DNAJC18: variants seen among roughly 807,000 people sequenced by gnomAD.
DNAJC18 encodes the protein dnaJ homolog subfamily C member 18.
A neutral mutation model predicts 48.6 loss-of-function variants in DNAJC18; 40 were observed. That is an observed-to-expected ratio of 0.82 (90% CI 0.64 to 1.07). DNAJC18 has a LOEUF of 1.07. Among genes scored for constraint, DNAJC18 ranks in the 50% least tolerant of loss-of-function variants. The pLI is 0.00. For missense variants in DNAJC18, 340 were observed against 427.7 expected (o/e 0.79, Z 1.81); for synonymous variants, 135 against 152.2 (o/e 0.89, Z 0.83).
chr5:139,437,609 C>G, intron 1 of DNAJC18, 51 bp from the exon 2 acceptor site: 1 of 1,557,334 alleles, frequency 6.4e-7, no homozygotes, highest in Non-Finnish European at 8.7e-7. Context: ...TGAAAATCAA[C>G]TTTGCAACCT....
chr5:139,432,018 A>G (rs1261881017), intron 2 of DNAJC18, among the ~76,000 whole-genome samples: 1 of 152,202 alleles, frequency 6.6e-6, no homozygotes, highest in Non-Finnish European at 1.5e-5. Context: ...AGGAATGCCT[A>G]TTCAGACCCT....
Position 139,428,622 on chromosome 5 carries a change from C to T in DNAJC18, c.289G>A (p.Glu97Lys), listed in dbSNP as rs367558773. 2 of 1,613,706 alleles carry T rather than the reference C, an allele frequency of 1.2e-6. No individual in the cohort carries two copies. The highest frequency in any genetic ancestry group is 1.7e-6 in the Non-Finnish European group (2 of 1,179,970). Reference protein sequence around the residue: ...LGVSRDASDEELKKAYRKLAL... With the variant: ...LGVSRDASDEKLKKAYRKLAL... The stretch of plus-strand genomic sequence containing the variant: ...AGTTTTCTGTAAGCTTTCTTAAGCT[C>T]TTCGTCACTAGCATCTCGAGAAACT... Residue 97 changes from glutamate to lysine, a missense_variant, in exon 3 of 8, where the codon GAG becomes AAG. By Grantham distance (56) the Glu-to-Lys change is moderately conservative. Transcript: ENST00000302060.
Position 139,439,475 on chromosome 5 carries a change from C to T in DNAJC18, c.-30G>A, listed in dbSNP as rs775816897. 2.2e-5 allele frequency: 35 copies of T among 1,613,690 alleles called. No individual in the cohort carries two copies. Among genetic ancestry groups the T allele is most frequent in the Admixed American group, 1.2e-4 (7 of 59,998 alleles). On this transcript the variant is annotated 5_prime_UTR_variant, in exon 1 of 8. Transcript: ENST00000302060. The surrounding 1 kb of genome is among the most constrained non-coding windows in gnomAD (Gnocchi z 4.1). ...GTTCCCAATCAGCAGGTCCGCCGAG[C>T]CTCCCCCGTGCCCGAGGCTGAAAGA...
At chr5:139,421,083 A>C (rs1450404378) in intron 6 of DNAJC18, among the ~76,000 whole-genome samples, 2 of 152,192 alleles carry the variant, frequency 1.3e-5, no homozygotes, top group Non-Finnish European at 2.9e-5. Context: ...CACAAGAAAG[A>C]AAGCTAAAGT....
At chr5:139,428,078 C>T (rs552224124) in intron 3 of DNAJC18, among the ~76,000 whole-genome samples, 10 of 152,274 alleles carry the variant, frequency 6.6e-5, no homozygotes, top group African/African-American at 2.4e-4. Context: ...AGCCACTGCG[C>T]TCAGCCTGAA....
chr5:139,416,898 G>T (rs1759076549), intron 7 of DNAJC18, among the ~76,000 whole-genome samples: 1 of 152,178 alleles, frequency 6.6e-6, no homozygotes. Flanking sequence ...ATAAAGGTTT[G>T]CCCAGATTGG....
intron 3 of DNAJC18, among the ~76,000 whole-genome samples, chr5:139,427,640 A>G (rs4835729): frequency 0.5 from 75,827 of 152,068 alleles, 22,479 homozygotes; most frequent in Non-Finnish European, 0.67. Flanking sequence ...TATATCTCCC[A>G]AGAAGAAAGA....
chr5:139,425,143 T>C (rs745814658), intron 4 of DNAJC18, 29 bp from the exon 5 acceptor site: 4 of 1,574,968 alleles, frequency 2.5e-6, no homozygotes, highest in Non-Finnish European at 3.5e-6. Flanking sequence ...GTATGGGATA[T>C]GGCAAACACT....
At chr5:139,416,885 C>T (rs1395553768) in intron 7 of DNAJC18, among the ~76,000 whole-genome samples, 1 of 152,172 alleles carries the variant, frequency 6.6e-6, no homozygotes, top group Non-Finnish European at 1.5e-5. Context: ...TAAGGGATTA[C>T]TCATAAAGGT....
chr5:139,419,221 GAC>G, intron 7 of DNAJC18: 1 of 438,990 alleles, frequency 2.3e-6, no homozygotes, highest in Non-Finnish European at 4.5e-6. Context: ...AGTTTTAGAA[GAC>G]ACAGTCACTA....
rs374143968 is a variant in DNAJC18, at chr5:139,414,238, T to C, written c.987A>G (p.Arg329=). The C allele has an allele frequency of 5.6e-6, 9 of 1,614,042 alleles. No homozygotes were observed. In the African/African-American group the frequency reaches 9.3e-5, roughly 17 times the overall value. ...SELTNLAGLY[R]DERLKQKAES... Reference sequence around the variant, plus strand: ...CTGCTTTCTGTTTCAATCGTTCATCTCTGTATAATCCTGCCAAATTTGTCA... The same window carrying C: ...CTGCTTTCTGTTTCAATCGTTCATCCCTGTATAATCCTGCCAAATTTGTCA... The change falls in exon 8 of 8, where the codon AGA becomes AGG. Residue 329 remains arginine, a synonymous_variant. Coordinates refer to ENST00000302060, the MANE Select transcript of DNAJC18 (RefSeq NM_152686.4).
chr5:139,433,460 C>G (rs1237563955), intron 2 of DNAJC18, among the ~76,000 whole-genome samples: 1 of 143,972 alleles, frequency 6.9e-6, no homozygotes, highest in Non-Finnish European at 1.5e-5. Context: ...AAAAAAAAAA[C>G]AAAACTGGAG....
In DNAJC18 at chr5:139,435,352, C is replaced by CA. The variant is rs562542538; in HGVS notation, c.227+2019dup. On this transcript the variant is annotated intron_variant, in intron 2 of 7. Transcript: ENST00000302060. ...TGGGTGACAGAGCAAGAATCCGTCT[C>CA]AAAAAAAAAAGAGTGTTGGATTTTG... Among the ~76,000 whole-genome samples the CA allele has an allele frequency of 6.7e-3, 973 of 145,232 alleles. 14 individuals carry two copies. The highest frequency in any genetic ancestry group is 0.018 in the African/African-American group (731 of 39,656).
In DNAJC18 at chr5:139,428,634, C is replaced by T; in HGVS notation, c.277G>A (p.Ala93Thr). 6.2e-7 allele frequency: 1 copy of T among 1,613,480 alleles called. No individual in the cohort carries two copies. Among genetic ancestry groups the T allele is most frequent in the South Asian group, 1.1e-5 (1 of 90,880 alleles). ...GCTTTCTTAAGCTCTTCGTCACTAGCATCTCGAGAAACTCCCAGAATTTCA... is the reference window on the plus strand; with the variant it reads ...GCTTTCTTAAGCTCTTCGTCACTAGTATCTCGAGAAACTCCCAGAATTTCA... ...YYEILGVSRDASDEELKKAYR... is the reference protein window; with the variant it reads ...YYEILGVSRDTSDEELKKAYR... Residue 93 changes from alanine to threonine, a missense_variant, in exon 3 of 8, where the codon GCT (alanine) becomes ACT (threonine). Physicochemically the swap from Ala to Thr is moderately conservative, Grantham distance 58 (BLOSUM62 0). Transcript: ENST00000302060.
chr5:139,419,118 G>C, intron 7 of DNAJC18: 1 of 449,926 alleles, frequency 2.2e-6, no homozygotes, highest in Non-Finnish European at 4.4e-6. Flanking sequence ...CTTTAGAAAT[G>C]AGTCAGAATT....
chr5:139,437,344 C>T (rs1468534785), intron 2 of DNAJC18, 28 bp downstream of exon 2: 1 of 1,562,596 alleles, frequency 6.4e-7, no homozygotes, highest in Non-Finnish European at 8.6e-7. Flanking sequence ...TCCATAAAAT[C>T]ACTCATTTAA....
At chr5:139,432,119 T>C (rs949317447) in intron 2 of DNAJC18, among the ~76,000 whole-genome samples, 1 of 152,170 alleles carries the variant, frequency 6.6e-6, no homozygotes, top group African/African-American at 2.4e-5. Flanking sequence ...TTATCAGATA[T>C]ACAGTTTTTA....
chr5:139,426,660 C>T (rs28473162), intron 3 of DNAJC18, among the ~76,000 whole-genome samples: 8 of 152,198 alleles, frequency 5.3e-5, no homozygotes, highest in Non-Finnish European at 7.3e-5. Flanking sequence ...CCCCTCAGTT[C>T]GGGTTCCCAG....
At chr5:139,428,459 A>C in intron 3 of DNAJC18, 79 bp downstream of exon 3, 1 of 1,537,024 alleles carries the variant, frequency 6.5e-7, no homozygotes, top group Non-Finnish European at 8.7e-7. Context: ...CTTATAAAAC[A>C]ACTATGGGGA....
Sources: allele counts gnomAD v4.1 joint callset (sites outside exome capture counted in the v4.1 genomes callset), GRCh38; gene constraint gnomAD v4.1.1; non-coding constraint Gnocchi (gnomAD v3.1); transcripts MANE v1.5; gene names NCBI Gene and HGNC (gene_info 2026-07-23, HGNC 2026-07-21).